Variants in MTMR12 observed in about 807,000 individuals in gnomAD.
MTMR12 encodes the protein myotubularin related protein 12, also known as myotubularin-related protein 12.
In MTMR12, 33 loss-of-function variants were observed where a neutral mutation model predicts 96.7. The ratio of observed to expected loss-of-function variants is 0.34; its 90% confidence interval spans 0.26 to 0.46. MTMR12 has a LOEUF of 0.46. MTMR12 is among the 20% of genes least tolerant of loss of function. The probability of loss-of-function intolerance (pLI) is 1.00; values close to 1 mark genes in which losing one functional copy is unlikely to be tolerated. For synonymous variants in MTMR12, 298 were observed against 327.2 expected (o/e 0.91, Z 0.96); for missense variants, 721 against 896.1 (o/e 0.80, Z 2.49).
intron 13 of MTMR12, among the ~76,000 whole-genome samples, chr5:32,236,576 T>C (rs895976724): frequency 4.6e-5 from 7 of 151,414 alleles, no homozygotes; most frequent in African/African-American, 1.7e-4. Context: ...GCGCTGTGGC[T>C]CACGCTTGTA....
At chr5:32,308,672 C>T (rs542760417) in intron 1 of MTMR12, among the ~76,000 whole-genome samples, 218 of 151,984 alleles carry the variant, frequency 1.4e-3, no homozygotes, top group African/African-American at 4.9e-3. Flanking sequence ...GTGATCTTGG[C>T]TCACTGCAAC....
In MTMR12 at chr5:32,254,831, C is replaced by T. The variant is rs573636719; in HGVS notation, c.789+862G>A. ...TGCACTCCAGCCTGGGCAACAAGAG[C>T]AAAACTCCGTCTAAAAAAAACAAAA... On this transcript the variant is annotated intron_variant, in intron 8 of 15. Transcript: ENST00000382142. 6.4e-4 allele frequency among the ~76,000 whole-genome samples: 97 copies of T among 151,990 alleles called. 1 individual carries two copies. The highest frequency in any genetic ancestry group is 2.7e-3 in the Admixed American group (41 of 15,250).
intron 1 of MTMR12, among the ~76,000 whole-genome samples, chr5:32,296,865 G>A (rs1191790472): frequency 6.6e-6 from 1 of 151,444 alleles, no homozygotes; most frequent in East Asian, 1.9e-4. Context: ...CACTTTGGGA[G>A]GCCAAGGTGG....
At chr5:32,249,638 G>A (rs1056126236) in intron 8 of MTMR12, among the ~76,000 whole-genome samples, 3 of 152,150 alleles carry the variant, frequency 2.0e-5, no homozygotes, top group Admixed American at 6.6e-5. Context: ...CAAAAACAAG[G>A]CAAGGAGAAA....
At chr5:32,242,440 T>C (rs1748514493) in intron 11 of MTMR12, among the ~76,000 whole-genome samples, 1 of 152,190 alleles carries the variant, frequency 6.6e-6, no homozygotes, top group Non-Finnish European at 1.5e-5. Context: ...TGAGCAAGAT[T>C]CATAAAAATC....
At chr5:32,273,445 C>A (rs569694795) in intron 3 of MTMR12, among the ~76,000 whole-genome samples, 175 of 152,222 alleles carry the variant, frequency 1.1e-3, no homozygotes, top group African/African-American at 4.0e-3. Flanking sequence ...CATTCACCAT[C>A]GGTTTCATTA....
intron 15 of MTMR12, among the ~76,000 whole-genome samples, chr5:32,230,632 C>T (rs1057093462): frequency 2.0e-5 from 3 of 152,200 alleles, no homozygotes; most frequent in Non-Finnish European, 1.5e-5. Context: ...TTGGTGCCCT[C>T]CTCCTCTGTC....
At chr5:32,277,334 A>C (rs935223533) in intron 1 of MTMR12, among the ~76,000 whole-genome samples, 83 of 152,200 alleles carry the variant, frequency 5.5e-4, no homozygotes, top group African/African-American at 1.9e-3. Context: ...GGCACTCCTT[A>C]TCTCTCCTTA....
At chr5:32,306,121 T>A (rs772607088) in intron 1 of MTMR12, among the ~76,000 whole-genome samples, 4 of 152,124 alleles carry the variant, frequency 2.6e-5, no homozygotes, top group Non-Finnish European at 5.9e-5. Flanking sequence ...CAAAGGCTAA[T>A]CATGATATAA....
At chr5:32,234,068 T>C (rs951038868) in intron 14 of MTMR12, 134 bp from the exon 15 acceptor site, 17 of 1,036,396 alleles carry the variant, frequency 1.6e-5, no homozygotes, top group Non-Finnish European at 2.1e-5. Flanking sequence ...CATTTAAGGC[T>C]GAGGCTACCT....
Position 32,279,429 on chromosome 5 carries a change from A to T in MTMR12, c.82-2687T>A, listed in dbSNP as rs75987952. ...AGCAAAACCGTGTCTCAAAAAAAAA[A>T]GTTACTAACCAAGGATCTGCAAGCT... On this transcript the variant is annotated intron_variant, in intron 1 of 15. Coordinates refer to ENST00000382142, the MANE Select transcript of MTMR12 (RefSeq NM_001040446.3). 7.1e-3 allele frequency among the ~76,000 whole-genome samples: 1,086 copies of T among 152,196 alleles called. 14 individuals carry two copies. The highest frequency in any genetic ancestry group is 0.025 in the African/African-American group (1,027 of 41,510).
intron 12 of MTMR12, 91 bp from the exon 13 acceptor site, chr5:32,239,264 A>C: frequency 7.7e-7 from 1 of 1,298,548 alleles, no homozygotes; most frequent in Non-Finnish European, 1.0e-6. Context: ...AGTTAAAAGT[A>C]GGATTCCCAA....
At chr5:32,285,575 C>T (rs1006887821) in intron 1 of MTMR12, among the ~76,000 whole-genome samples, 2 of 152,000 alleles carry the variant, frequency 1.3e-5, no homozygotes, top group African/African-American at 2.4e-5. Flanking sequence ...TTCCAGTTTC[C>T]GCAAGTTTTC....
chr5:32,258,562 T>C, intron 7 of MTMR12, among the ~76,000 whole-genome samples: 1 of 152,210 alleles, frequency 6.6e-6, no homozygotes, highest in East Asian at 1.9e-4. Context: ...CAGCATGACC[T>C]GGAAGCTGAT....
At chr5:32,244,020 A>G (rs1748578460) in intron 10 of MTMR12, among the ~76,000 whole-genome samples, 1 of 152,208 alleles carries the variant, frequency 6.6e-6, no homozygotes, top group Admixed American at 6.5e-5. Flanking sequence ...TAGAATCTCA[A>G]TGCACAAGTT....
intron 8 of MTMR12, among the ~76,000 whole-genome samples, chr5:32,252,376 A>G (rs1323884920): frequency 6.6e-6 from 1 of 152,242 alleles, no homozygotes; most frequent in Admixed American, 6.5e-5. Flanking sequence ...CACAATTTTT[A>G]AAGATTCTGT....
chr5:32,286,519 C>CAA (rs1373403332), intron 1 of MTMR12, among the ~76,000 whole-genome samples: 5 of 131,100 alleles, frequency 3.8e-5, no homozygotes, highest in African/African-American at 5.6e-5. Flanking sequence ...GACCCTGTCT[C>CAA]AAAAAAAAAA....
chr5:32,236,568 G>C (rs1240776483), intron 13 of MTMR12, among the ~76,000 whole-genome samples: 1 of 151,702 alleles, frequency 6.6e-6, no homozygotes. Context: ...AAGGCCAGGC[G>C]CTGTGGCTCA....
In MTMR12 at chr5:32,229,572, T is replaced by C; in HGVS notation, c.*206A>G. On this transcript the variant is annotated 3_prime_UTR_variant, in exon 16 of 16. Coordinates refer to ENST00000382142, the MANE Select transcript of MTMR12 (RefSeq NM_001040446.3). Reference sequence around the variant, plus strand: ...TCAAGTAATAATTCCTTCCAATTAGTAATACTACAGATGCGGTTTTAATTG... The same window carrying C: ...TCAAGTAATAATTCCTTCCAATTAGCAATACTACAGATGCGGTTTTAATTG... 1 of 434,164 alleles carries C rather than the reference T, an allele frequency of 2.3e-6. No homozygotes were observed. The highest frequency in any genetic ancestry group is 3.9e-6 in the Non-Finnish European group (1 of 254,328). The allele number at this position is 434,164 out of a possible 1,614,324, so 26.9% of individuals were successfully genotyped here. A position where few individuals can be genotyped will look rare whatever the true frequency, so the allele number is the denominator to read the frequency against.
Sources: allele counts gnomAD v4.1 joint callset (sites outside exome capture counted in the v4.1 genomes callset), GRCh38; gene constraint gnomAD v4.1.1; transcripts MANE v1.5; gene names NCBI Gene and HGNC (gene_info 2026-07-23, HGNC 2026-07-21).